The following RRAS2 variants were observed in gnomAD, a reference collection of about 807,000 sequenced individuals.
RRAS2 encodes RAS related 2, also known as ras-related protein R-Ras2.
In RRAS2, 7 loss-of-function variants were observed where a neutral mutation model predicts 27.6. The observed-to-expected ratio is 0.25, with a 90% CI of 0.14 to 0.48. The LOEUF is 0.48. RRAS2 is among the 20% of genes least tolerant of loss of function. RRAS2 has a pLI of 0.99. For missense variants in RRAS2, 178 were observed against 256.2 expected (o/e 0.69, Z 2.08); for synonymous variants, 86 against 90.9 (o/e 0.95, Z 0.31).
chr11:14,342,548 C>T (rs182857212), intron 1 of RRAS2, among the ~76,000 whole-genome samples: 3 of 152,118 alleles, frequency 2.0e-5, no homozygotes, highest in East Asian at 1.9e-4. Context: ...ATTCAGTTAC[C>T]GCATTGTATA....
intron 1 of RRAS2, among the ~76,000 whole-genome samples, chr11:14,333,604 T>C (rs1554952179): frequency 6.6e-6 from 1 of 152,178 alleles, no homozygotes. Flanking sequence ...AATTTCATTT[T>C]ATAATCTGTT....
chr11:14,279,518 T>C, intron 5 of RRAS2, 94 bp from the exon 6 acceptor site: 1 of 943,282 alleles, frequency 1.1e-6, no homozygotes. Flanking sequence ...CTTTTAAGTG[T>C]GTATGCTTTT....
At chr11:14,302,073 T>TACACACACACACACAC (rs57730782) in intron 1 of RRAS2, among the ~76,000 whole-genome samples, 11,726 of 142,282 alleles carry the variant, frequency 0.082, 671 homozygotes, top group East Asian at 0.12. Context: ...ACCACACACA[T>TACACACACACACACAC]ACACACACAC....
In RRAS2 at chr11:14,280,726, C is replaced by CAAAAAAAAAAAAAA. The variant is rs58781581; in HGVS notation, c.527+862_527+875dup. Among the ~76,000 whole-genome samples the CAAAAAAAAAAAAAA allele has an allele frequency of 4.3e-4, 21 of 48,330 alleles. 6 individuals carry two copies. The highest frequency in any genetic ancestry group is 8.3e-4 in the African/African-American group (8 of 9,630). 31.7% of individuals were successfully genotyped at this position (48,330 alleles called of 152,430 possible). A position where few individuals can be genotyped will look rare whatever the true frequency, so the allele number is the denominator to read the frequency against. On this transcript the variant is annotated intron_variant, in intron 5 of 5. Transcript: ENST00000256196. The stretch of plus-strand genomic sequence containing the variant: ...GGGTGACAAAGAGAAACTCTGTTTC[C>CAAAAAAAAAAAAAA]AAAAAAAAAAAAAAAAAAAAAAAAA...
intron 1 of RRAS2, among the ~76,000 whole-genome samples, chr11:14,310,842 GTTCTAATT>G (rs1429166178): frequency 1.3e-5 from 2 of 152,150 alleles, no homozygotes; most frequent in African/African-American, 4.8e-5. Flanking sequence ...CTTATTCAGT[GTTCTAATT>G]GTAACCTATT....
intron 1 of RRAS2, among the ~76,000 whole-genome samples, chr11:14,312,529 C>T (rs1364516044): frequency 3.3e-5 from 5 of 152,166 alleles, no homozygotes; most frequent in African/African-American, 1.2e-4. Context: ...AAGTGCTCCT[C>T]CCACCTCAGC....
Position 14,356,800 on chromosome 11 carries a change from GCTTTT to G in RRAS2, c.108+1958_108+1962del, listed in dbSNP as rs1213380584. ...AATTATTAGGAAAACGGCAATTAAT[GCTTTT>G]TTTTTTTTTTTTTTGAGGCAGAGTC... is the stretch of plus-strand genomic sequence containing the variant. On this transcript the variant is annotated intron_variant, in intron 1 of 5. Coordinates refer to ENST00000256196, the MANE Select transcript of RRAS2 (RefSeq NM_012250.6). The G allele has an allele frequency of 2.7e-5, 11 of 406,924 alleles. No individual in the cohort carries two copies. The East Asian group carries it at 8.0e-4, about 30-fold the overall frequency. 25.2% of individuals were successfully genotyped at this position (406,924 alleles called of 1,614,324 possible).
At chr11:14,341,010 G>A (rs1210937647) in intron 1 of RRAS2, among the ~76,000 whole-genome samples, 2 of 152,150 alleles carry the variant, frequency 1.3e-5, no homozygotes, top group African/African-American at 4.8e-5. Flanking sequence ...AAGCCTTTAA[G>A]ATGAACAATG....
chr11:14,347,664 C>CA (rs1190019168), intron 1 of RRAS2, among the ~76,000 whole-genome samples: 2 of 151,872 alleles, frequency 1.3e-5, no homozygotes, highest in African/African-American at 2.4e-5. Flanking sequence ...TACAAAAAAT[C>CA]AAAAACTTAG....
chr11:14,280,442 A>T (rs782479509), intron 5 of RRAS2, among the ~76,000 whole-genome samples: 6 of 152,098 alleles, frequency 3.9e-5, no homozygotes, highest in Non-Finnish European at 7.4e-5. Flanking sequence ...CAAAATAAAT[A>T]CGCAGCCCAG....
chr11:14,290,239 G>C (rs1849774714), intron 4 of RRAS2, among the ~76,000 whole-genome samples: 1 of 152,160 alleles, frequency 6.6e-6, no homozygotes, highest in Admixed American at 6.5e-5. Context: ...CACAAGATCA[G>C]GAGTTTGAGA....
intron 5 of RRAS2, among the ~76,000 whole-genome samples, chr11:14,280,424 C>T (rs1849492118): frequency 6.6e-6 from 1 of 151,896 alleles, no homozygotes; most frequent in Non-Finnish European, 1.5e-5. Flanking sequence ...GTCAATTTAC[C>T]TTAGATACAA....
intron 1 of RRAS2, chr11:14,341,973 T>C: frequency 4.6e-6 from 2 of 435,536 alleles, no homozygotes; most frequent in South Asian, 2.3e-5. Flanking sequence ...AATCATATGA[T>C]AGTATTCCTA....
At chr11:14,322,412 C>T (rs1848246804) in intron 1 of RRAS2, among the ~76,000 whole-genome samples, 1 of 151,944 alleles carries the variant, frequency 6.6e-6, no homozygotes, top group African/African-American at 2.4e-5. Flanking sequence ...TGCACTCCAG[C>T]CTGGGTGACA....
intron 1 of RRAS2, among the ~76,000 whole-genome samples, chr11:14,305,182 C>T (rs1344328166): frequency 6.6e-6 from 1 of 151,908 alleles, no homozygotes; most frequent in Non-Finnish European, 1.5e-5. Context: ...TGTATTACCT[C>T]ACATATAGTA....
At chr11:14,318,838 A>C (rs1848166515) in intron 1 of RRAS2, among the ~76,000 whole-genome samples, 1 of 152,244 alleles carries the variant, frequency 6.6e-6, no homozygotes. Flanking sequence ...TTAAGTATTA[A>C]ACTTCAAATT....
chr11:14,298,420 T>C (rs2133967093), intron 1 of RRAS2, among the ~76,000 whole-genome samples: 1 of 152,312 alleles, frequency 6.6e-6, no homozygotes, highest in East Asian at 1.9e-4. Flanking sequence ...CAAAAGATTG[T>C]TGGTTTGATT....
In RRAS2 at chr11:14,294,792, G is replaced by A; in HGVS notation, c.267C>T (p.Phe89=). Residue 89 remains phenylalanine, a synonymous_variant, in exon 3 of 6, where the codon TTC becomes TTT. Transcript: ENST00000256196. ...TATCTGTGACTGAAAAGACCAACAG[G>A]AAGCCTTCGCCAGTCCTCATATACT... is the stretch of plus-strand genomic sequence containing the variant. The part of the protein sequence containing the change: ...REQYMRTGEG[F]LLVFSVTDRG... The A allele has an allele frequency of 1.9e-6, 3 of 1,613,682 alleles. No individual in the cohort carries two copies. Among genetic ancestry groups the A allele is most frequent in the African/African-American group, 1.3e-5 (1 of 74,998 alleles).
In RRAS2 at chr11:14,281,676, T is replaced by C. The variant is rs189760812; in HGVS notation, c.453A>G (p.Val151=). The C allele has an allele frequency of 7.5e-6, 12 of 1,595,674 alleles. No homozygotes were observed. The East Asian group carries it at 2.7e-4, about 36-fold the overall frequency. The change falls in exon 5 of 6, where the codon GTA becomes GTG. Residue 151 remains valine (V), a synonymous_variant. Transcript: ENST00000256196. ...TCTTTGCTGATGCCTCCATGTATGT[T>C]ACCTTAAGCTGCCGTGCTAACTGTT... The part of the protein sequence containing the change: ...EGQQLARQLK[V]TYMEASAKIR...
Sources: allele counts gnomAD v4.1 joint callset (sites outside exome capture counted in the v4.1 genomes callset), GRCh38; gene constraint gnomAD v4.1.1; transcripts MANE v1.5; gene names NCBI Gene and HGNC (gene_info 2026-07-23, HGNC 2026-07-21).